Variants in PLXNB1 observed in about 807,000 individuals in gnomAD.
The protein encoded by PLXNB1 is plexin-B1.
In PLXNB1, 106 loss-of-function variants were observed where a neutral mutation model predicts 209.4. The ratio of observed to expected loss-of-function variants is 0.51; its 90% CI spans 0.43 to 0.59. The LOEUF is 0.59. PLXNB1 is among the 20% of genes least tolerant of loss of function. The pLI is 0.00. For synonymous variants in PLXNB1, 1,167 were observed against 1,183.2 expected (o/e 0.99, Z 0.28); for missense variants, 2,357 against 2,853.2 (o/e 0.83, Z 3.96).
rs2038257038 is a variant in PLXNB1, at chr3:48,418,542, G to C, written c.2956C>G (p.Leu986Val). The change falls in exon 14 of 38, where the codon CTC becomes GTC. Residue 986 changes from leucine to valine, a missense_variant and splice_region_variant. Leu to Val is a conservative substitution (Grantham distance 32, BLOSUM62 1). Around this residue, in one of 7 missense-constraint regions of PLXNB1, gnomAD observed 410 missense variants for 401.0 expected, o/e 1.02. Transcript: ENST00000296440. The surrounding 1 kb of genome is among the most constrained non-coding windows in gnomAD (Gnocchi z 6.6). ...TCCGGCTGCAGAGCCTCATAGCTGA[G>C]CTGGAGAAATGGGAGTGGGTTCAGA... is the stretch of plus-strand genomic sequence containing the variant. The part of the protein sequence containing the change: ...QCHVTCQQHQ[L>V]SYEALQPELR... 6.3e-7 allele frequency: 1 copy of C among 1,592,890 alleles called. No individual in the cohort carries two copies. The highest frequency in any genetic ancestry group is 8.5e-7 in the Non-Finnish European group (1 of 1,170,464).
chr3:48,413,799 C>A lies in PLXNB1; in HGVS notation c.4406G>T (p.Arg1469Leu). 1 of 1,613,528 alleles carries A rather than the reference C, an allele frequency of 6.2e-7. No individual in the cohort carries two copies. Among genetic ancestry groups the A allele is most frequent in the South Asian group, 1.1e-5 (1 of 91,064 alleles). Residue 1469 changes from arginine (R) to leucine (L), a missense_variant, in exon 23 of 38, where the codon CGC becomes CTC. By Grantham distance (102) the Arg-to-Leu change is moderately radical. This residue lies in a region of PLXNB1 where 743 missense variants were observed against 896.2 expected (regional missense o/e 0.83). Coordinates refer to ENST00000296440, the MANE Select transcript of PLXNB1 (RefSeq NM_001130082.3). The surrounding 1 kb of genome is among the most constrained non-coding windows in gnomAD (Gnocchi z 5.4). ...PEFTVQMGNL[R>L]FSLGHVQYDG... ...ATACTGCACGTGACCCAGGGAGAAG[C>A]GCAAGTTCCCCATCTGCACCTGTGT...
chr3:48,416,135 G>A lies in PLXNB1; in HGVS notation c.3513C>T (p.Arg1171=), dbSNP rs776645754. 29 of 1,597,858 alleles carry A rather than the reference G, an allele frequency of 1.8e-5. No individual in the cohort carries two copies. The highest frequency in any genetic ancestry group is 4.5e-5 in the South Asian group (4 of 88,702). ...DPKVHSIFPA[R]GPRAGGTRLT... is the part of the protein sequence containing the mutation. ...GACGGGTGCCCCCAGCTCTGGGGCC[G>A]CGGGCCGGGAAGATGGAATGGACCT... The change falls in exon 18 of 38, where the codon CGC becomes CGT. Residue 1171 remains arginine, a synonymous_variant. Transcript: ENST00000296440. This position sits in a 1 kb window ranked among gnomAD's most constrained non-coding sequence, Gnocchi z 4.1.
In PLXNB1 at chr3:48,415,049, G is replaced by A. The variant is rs1326513703; in HGVS notation, c.3967-8C>T. ...ATGGCACGGCTCCTCAAACTGGAAG[G>A]AAGACAGGCAGGTTGACGAGGGGCC... is the stretch of plus-strand genomic sequence containing the variant. On this transcript the variant is annotated splice_region_variant and splice_polypyrimidine_tract_variant and intron_variant, in intron 20 of 37. Transcript: ENST00000296440. The surrounding 1 kb of genome is among the most constrained non-coding windows in gnomAD (Gnocchi z 5.0). 12 of 1,611,648 alleles carry A rather than the reference G, an allele frequency of 7.4e-6. No individual in the cohort carries two copies. The highest frequency in any genetic ancestry group is 9.3e-6 in the Non-Finnish European group (11 of 1,178,536).
Position 48,409,266 on chromosome 3 carries a change from GAGTGCAC to G in PLXNB1, c.6087+56_6087+62del. 1 of 1,572,926 alleles carries G rather than the reference GAGTGCAC, an allele frequency of 6.4e-7. No homozygotes were observed. Among genetic ancestry groups the G allele is most frequent in the Admixed American group, 1.7e-5 (1 of 57,366 alleles). On this transcript the variant is annotated intron_variant, in intron 34 of 37. Transcript: ENST00000296440. This position sits in a 1 kb window ranked among gnomAD's most constrained non-coding sequence, Gnocchi z 5.8. ...AAGTTCTCAGAAAAGCCTGGAATCT[GAGTGCAC>G]ACACAGCACTGTCCACCCTCACCCA...
Position 48,409,566 on chromosome 3 carries a change from C to A in PLXNB1, c.5939+5G>T, listed in dbSNP as rs1367251281. On this transcript the variant is annotated splice_donor_5th_base_variant and intron_variant, in intron 33 of 37. Transcript: ENST00000296440. The surrounding 1 kb of genome is among the most constrained non-coding windows in gnomAD (Gnocchi z 5.8). The stretch of plus-strand genomic sequence containing the variant: ...ACACCTAGAGCCCACCCAGCTCCAC[C>A]CCACCTGTTGGTCTTCCAGATGTGG... The A allele has an allele frequency of 2.5e-6, 4 of 1,613,678 alleles. No homozygotes were observed. Among genetic ancestry groups the A allele is most frequent in the Non-Finnish European group, 2.5e-6 (3 of 1,179,712 alleles).
Position 48,405,106 on chromosome 3 carries a change from C to T in PLXNB1, c.6304-516G>A, listed in dbSNP as rs1470313713. 6.6e-6 allele frequency among the ~76,000 whole-genome samples: 1 copy of T among 152,228 alleles called. No homozygotes were observed. Among genetic ancestry groups the T allele is most frequent in the African/African-American group, 2.4e-5 (1 of 41,458 alleles). ...GACATGCCTGCATCACACCCTGCCT[C>T]CCCCAAGCCCCGTGCCATGGCCCAC... is the stretch of plus-strand genomic sequence containing the variant. On this transcript the variant is annotated intron_variant, in intron 37 of 37. Coordinates refer to ENST00000296440, the MANE Select transcript of PLXNB1 (RefSeq NM_001130082.3). This position sits in a 1 kb window ranked among gnomAD's most constrained non-coding sequence, Gnocchi z 5.0.
In PLXNB1 at chr3:48,420,679, C is replaced by T. The variant is rs1282662378; in HGVS notation, c.2014G>A (p.Val672Ile). The T allele has an allele frequency of 6.2e-7, 1 of 1,613,620 alleles. No homozygotes were observed. Among genetic ancestry groups the T allele is most frequent in the Non-Finnish European group, 8.5e-7 (1 of 1,179,878 alleles). ...GTCACACTCACCTGATGGCTTGCAACCATGGGCCCAGCATCACACGAGGCC... is the reference window on the plus strand; with the variant it reads ...GTCACACTCACCTGATGGCTTGCAATCATGGGCCCAGCATCACACGAGGCC... Reference protein sequence around the residue: ...HKASCDAGPMVASHQSPLVSP... With the variant: ...HKASCDAGPMIASHQSPLVSP... Residue 672 changes from valine to isoleucine, a missense_variant, in exon 10 of 38, where the codon GTT becomes ATT. Val to Ile is a conservative substitution (Grantham distance 29, BLOSUM62 3). Around this residue, in one of 7 missense-constraint regions of PLXNB1, gnomAD observed 214 missense variants for 297.1 expected, o/e 0.72. Transcript: ENST00000296440.
Position 48,420,183 on chromosome 3 carries a change from C to T in PLXNB1, c.2103G>A (p.Leu701=), listed in dbSNP as rs763150481. The change falls in exon 11 of 38, where the codon CTG becomes CTA. Residue 701 remains leucine, a synonymous_variant. Transcript: ENST00000296440. ...GAAGGGTGTCAGGAGCAGGGGTGGC[C>T]AGGGCTTTGGGGGCTGTGGGTGGGG... The part of the protein sequence containing the change: ...SPSPPTAPKA[L]ATPAPDTLPV... 6.5e-7 allele frequency: 1 copy of T among 1,537,522 alleles called. No homozygotes were observed. The highest frequency in any genetic ancestry group is 1.2e-5 in the South Asian group (1 of 84,688).
rs989062893 is a variant in PLXNB1 at position 48,412,574 on chromosome 3, C to T, written c.4901G>A (p.Arg1634His). ...ESQRTFSARD[R>H]AYVASLLTVA... ...GGTGAGCAGAGATGCCACGTAGGCA[C>T]GGTCCCGAGCTGAAAAGGTGCGCTG... Residue 1634 changes from arginine to histidine, a missense_variant, in exon 26 of 38, where the codon CGT becomes CAT. Arg to His is a conservative substitution (Grantham distance 29). Around this residue, in one of 7 missense-constraint regions of PLXNB1, gnomAD observed 743 missense variants for 896.2 expected, o/e 0.83. Coordinates refer to ENST00000296440, the MANE Select transcript of PLXNB1 (RefSeq NM_001130082.3). 5.6e-6 allele frequency: 9 copies of T among 1,613,470 alleles called. No homozygotes were observed. The highest frequency in any genetic ancestry group is 4.0e-5 in the African/African-American group (3 of 74,942).
Position 48,423,685 on chromosome 3 carries a change from T to C in PLXNB1, c.927A>G (p.Pro309=). 6.2e-7 allele frequency: 1 copy of C among 1,613,746 alleles called. No individual in the cohort carries two copies. The highest frequency in any genetic ancestry group is 1.7e-5 in the Admixed American group (1 of 60,024). ...SAAPPTVGRP[P]SAAAGASGAS... is the part of the protein sequence containing the mutation. ...CTCCAGATGCCCCAGCAGCCGCCGA[T>C]GGGGGCCGGCCCACAGTGGGGGGTG... is the stretch of plus-strand genomic sequence containing the variant. The change falls in exon 3 of 38, where the codon CCA becomes CCG. Residue 309 remains proline, a synonymous_variant. Coordinates refer to ENST00000296440, the MANE Select transcript of PLXNB1 (RefSeq NM_001130082.3).
chr3:48,408,589 T>C (rs2037456021), intron 34 of PLXNB1, among the ~76,000 whole-genome samples: 1 of 151,826 alleles, frequency 6.6e-6, no homozygotes, highest in Non-Finnish European at 1.5e-5. Context: ...TCCTCACACA[T>C]CCCTCAAACT....
intron 10 of PLXNB1, 31 bp downstream of exon 10, chr3:48,420,634 C>G (rs753786419): frequency 7.0e-6 from 11 of 1,571,300 alleles, no homozygotes; most frequent in Non-Finnish European, 8.8e-6. Context: ...CCCAACCCCC[C>G]CGGTATGGCC....
rs2037178321 is a variant in PLXNB1, at chr3:48,404,265, C to T, written c.*221G>A. The T allele has an allele frequency of 3.7e-6, 2 of 537,602 alleles. No homozygotes were observed. Among genetic ancestry groups the T allele is most frequent in the African/African-American group, 3.8e-5 (2 of 52,516 alleles). The allele number at this position is 537,602 out of a possible 1,614,324, so 33.3% of individuals were successfully genotyped here. On this transcript the variant is annotated 3_prime_UTR_variant, in exon 38 of 38. Coordinates refer to ENST00000296440, the MANE Select transcript of PLXNB1 (RefSeq NM_001130082.3). ...AGACCGGTGTCACAGGGTCGCTGGA[C>T]TCGGGGAGCAGGCTGGGTACTACCC...
chr3:48,409,304 C>CG lies in PLXNB1; in HGVS notation c.6087+24_6087+25insC, dbSNP rs1203891373. The CG allele has an allele frequency of 6.2e-7, 1 of 1,612,658 alleles. No homozygotes were observed. The highest frequency in any genetic ancestry group is 1.1e-5 in the South Asian group (1 of 91,020). On this transcript the variant is annotated intron_variant, in intron 34 of 37. Coordinates refer to ENST00000296440, the MANE Select transcript of PLXNB1 (RefSeq NM_001130082.3). The surrounding 1 kb of genome is among the most constrained non-coding windows in gnomAD (Gnocchi z 5.8). ...GCACTGTCCACCCTCACCCATCCCC[C>CG]CGTGTCCATCCCAGACTCGCTCACC... is the stretch of plus-strand genomic sequence containing the variant.
chr3:48,425,020 G>A (rs760971568), intron 2 of PLXNB1, among the ~76,000 whole-genome samples: 5 of 152,200 alleles, frequency 3.3e-5, no homozygotes, highest in African/African-American at 7.2e-5. Flanking sequence ...ACATGGATGA[G>A]GGTTTCCCGG....
In PLXNB1 at chr3:48,423,907, C is replaced by T; in HGVS notation, c.705G>A (p.Arg235=). 6.2e-7 allele frequency: 1 copy of T among 1,614,122 alleles called. No individual in the cohort carries two copies. Among genetic ancestry groups the T allele is most frequent in the South Asian group, 1.1e-5 (1 of 91,088 alleles). ...AAGCTCTAGACTGAGCCTGCAGGTCCCGCCGCAGGAACAGGAAGTAGGCGC... is the reference window on the plus strand; with the variant it reads ...AAGCTCTAGACTGAGCCTGCAGGTCTCGCCGCAGGAACAGGAAGTAGGCGC... The part of the protein sequence containing the change: ...GASAYFLFLR[R]DLQAQSRAFR... The change falls in exon 3 of 38, where the codon CGG becomes CGA. Residue 235 remains arginine (R), a synonymous_variant. Transcript: ENST00000296440.
Position 48,422,428 on chromosome 3 carries a change from G to T in PLXNB1, c.1322C>A (p.Pro441Gln). The T allele has an allele frequency of 6.3e-7, 1 of 1,598,930 alleles. No homozygotes were observed. Among genetic ancestry groups the T allele is most frequent in the Non-Finnish European group, 8.5e-7 (1 of 1,172,694 alleles). The change falls in exon 5 of 38, where the codon CCA (proline) becomes CAA (glutamine). Residue 441 changes from proline to glutamine, a missense_variant. Physicochemically the swap from Pro to Gln is moderately conservative, Grantham distance 76 (BLOSUM62 -1). Around this residue, in one of 7 missense-constraint regions of PLXNB1, gnomAD observed 404 missense variants for 443.6 expected, o/e 0.91. Coordinates refer to ENST00000296440, the MANE Select transcript of PLXNB1 (RefSeq NM_001130082.3). ...CTGCTGGATGCTCTGTGTGGAGTAT[G>T]GGTGGCCATCGCTCCCTGGGCCCAA... ...VYLGPGSDGH[P>Q]YSTQSIQQGS... is the part of the protein sequence containing the mutation.
chr3:48,419,807 T>G lies in PLXNB1; in HGVS notation c.2479A>C (p.Thr827Pro), dbSNP rs992561752. The change falls in exon 11 of 38, where the codon ACT becomes CCT. Residue 827 changes from threonine (T) to proline (P), a missense_variant. Physicochemically the swap from Thr to Pro is conservative, Grantham distance 38. This residue lies in a region of PLXNB1 where 410 missense variants were observed against 401.0 expected (regional missense o/e 1.02). Transcript: ENST00000296440. This position sits in a 1 kb window ranked among gnomAD's most constrained non-coding sequence, Gnocchi z 5.7. ...ACGGAGCCCATGGCCCCTGGGAAAG[T>G]GGTGGCAGGAACAGTGGCAGGGGGC... ...DLPPATVPAT[T>P]FPGAMGSVKP... 9 of 1,591,270 alleles carry G rather than the reference T, an allele frequency of 5.7e-6. No homozygotes were observed. The African/African-American group carries it at 9.4e-5, about 17-fold the overall frequency.
Position 48,415,472 on chromosome 3 carries a change from AGCAGCAT to A in PLXNB1, c.3794+104_3794+110del. The A allele has an allele frequency of 2.1e-6, 3 of 1,406,290 alleles. No individual in the cohort carries two copies. Among genetic ancestry groups the A allele is most frequent in the Non-Finnish European group, 2.9e-6 (3 of 1,031,086 alleles). The allele number at this position is 1,406,290 out of a possible 1,614,324, so 87.1% of individuals were successfully genotyped here. A position where few individuals can be genotyped will look rare whatever the true frequency, so the allele number is the denominator to read the frequency against. ...AACCACACGACCCCTTGCCCCTACT[AGCAGCAT>A]GGGATTCTCAGTGCCTCAACATAAA... On this transcript the variant is annotated intron_variant, in intron 19 of 37. Coordinates refer to ENST00000296440, the MANE Select transcript of PLXNB1 (RefSeq NM_001130082.3). The surrounding 1 kb of genome is among the most constrained non-coding windows in gnomAD (Gnocchi z 5.0).
Sources: allele counts gnomAD v4.1 joint callset (sites outside exome capture counted in the v4.1 genomes callset), GRCh38; gene constraint gnomAD v4.1.1; regional missense constraint gnomAD v4.1.1; non-coding constraint Gnocchi (gnomAD v3.1); transcripts MANE v1.5; gene names NCBI Gene and HGNC (gene_info 2026-07-23, HGNC 2026-07-21).